The following TRPT1 variants were observed in gnomAD, a reference collection of about 807,000 sequenced individuals.
TRPT1 encodes tRNA phosphotransferase 1, also known as tRNA 2'-phosphotransferase 1.
TRPT1 carries 22 observed loss-of-function variants against 28.4 expected under a neutral mutation model. The ratio of observed to expected loss-of-function variants is 0.78; its 90% CI spans 0.55 to 1.11. The LOEUF is 1.11. Among genes scored for constraint, TRPT1 ranks in the 50% least tolerant of loss-of-function variants. TRPT1 has a pLI of 0.00. For synonymous variants in TRPT1, 137 were observed against 132.4 expected, an observed-to-expected ratio of 1.03 and a Z score of -0.24; for missense variants, 308 against 317.7, an observed-to-expected ratio of 0.97 and a Z score of 0.23.
Position 64,223,829 on chromosome 11 carries a change from G to T in TRPT1, c.*47C>A. ...GATGATGAAACATGGTTTCAAACGA[G>T]TTCTTTCTTGTTACTTTTTAAAATT... On this transcript the variant is annotated 3_prime_UTR_variant, in exon 8 of 8. Transcript: ENST00000317459. The T allele has an allele frequency of 7.6e-7, 1 of 1,315,408 alleles. No homozygotes were observed. Among genetic ancestry groups the T allele is most frequent in the Non-Finnish European group, 1.1e-6 (1 of 951,058 alleles). 81.5% of individuals were successfully genotyped at this position (1,315,408 alleles called of 1,614,324 possible).
chr11:64,224,997 C>T (rs913675532), intron 3 of TRPT1, 27 bp from the exon 4 acceptor site: 2 of 1,545,344 alleles, frequency 1.3e-6, no homozygotes, highest in African/African-American at 2.7e-5. Flanking sequence ...TGCTCAGGAG[C>T]TAACCTTGCT....
rs765623639 is a variant in TRPT1 at position 64,224,955 on chromosome 11, AG to A, written c.172del (p.Leu58TrpfsTer58). On this transcript the variant is annotated frameshift_variant, in exon 4 of 8. Coordinates refer to ENST00000317459, the MANE Select transcript of TRPT1 (RefSeq NM_001033678.4). LOFTEE classifies it high-confidence loss of function. ...CTGGGGCAACTGCAGGAGGGTGCCCAGGGGCACGAAGCCATCTGTGGGCAGG... is the reference window on the plus strand; with the variant it reads ...CTGGGGCAACTGCAGGAGGGTGCCCAGGGCACGAAGCCATCTGTGGGCAGG... ...LPMGADGFVPLGTLLQLPQFR... is the reference protein window; with the variant it reads ...LPMGADGFVPXGTLLQLPQFR... 1 of 1,561,034 alleles carries A rather than the reference AG, an allele frequency of 6.4e-7. No individual in the cohort carries two copies. The highest frequency in any genetic ancestry group is 1.2e-5 in the South Asian group (1 of 85,416).
Position 64,225,685 on chromosome 11 carries a change from G to A in TRPT1, c.75+101C>T, listed in dbSNP as rs141059062. 1.7e-4 allele frequency: 241 copies of A among 1,388,794 alleles called. No individual in the cohort carries two copies. The African/African-American group carries it at 3.2e-3, about 19-fold the overall frequency. 86.0% of individuals were successfully genotyped at this position (1,388,794 alleles called of 1,614,324 possible). A position where few individuals can be genotyped will look rare whatever the true frequency, so the allele number is the denominator to read the frequency against. On this transcript the variant is annotated intron_variant, in intron 2 of 7. Coordinates refer to ENST00000317459, the MANE Select transcript of TRPT1 (RefSeq NM_001033678.4). Reference sequence around the variant, plus strand: ...GCAGAGAGAGCCCAGAGAGAAAGGAGTGCCAGTGGTCTCCAGGAATAGTAG... The same window carrying A: ...GCAGAGAGAGCCCAGAGAGAAAGGAATGCCAGTGGTCTCCAGGAATAGTAG...
At chr11:64,225,687 G>A (rs1426449592) in intron 2 of TRPT1, 99 bp downstream of exon 2, 2 of 1,382,014 alleles carry the variant, frequency 1.4e-6, no homozygotes, top group Non-Finnish European at 2.0e-6. Context: ...AGAAAGGAGT[G>A]CCAGTGGTCT....
intron 5 of TRPT1, 51 bp downstream of exon 5, chr11:64,224,492 C>T (rs761149079): frequency 6.4e-7 from 1 of 1,572,012 alleles, no homozygotes; most frequent in South Asian, 1.2e-5. Flanking sequence ...TGAAGGGGAC[C>T]TGGGAGGACA....
rs1338356600 is a variant in TRPT1, at chr11:64,226,131, G to C, written c.-91C>G. The stretch of plus-strand genomic sequence containing the variant: ...GCTGGTGCGCCCCGCAGGGTGGTCC[G>C]GGAGGCAGGGCCGACGTGCCGACGG... On this transcript the variant is annotated 5_prime_UTR_variant, in exon 1 of 8. Transcript: ENST00000317459. 4.3e-6 allele frequency: 2 copies of C among 467,486 alleles called. No individual in the cohort carries two copies. Among genetic ancestry groups the C allele is most frequent in the Non-Finnish European group, 7.5e-6 (2 of 265,504 alleles). The allele number at this position is 467,486 out of a possible 1,614,324, so 29.0% of individuals were successfully genotyped here.
Position 64,225,595 on chromosome 11 carries a change from C to T in TRPT1, c.76-15G>A. 1 of 1,604,566 alleles carries T rather than the reference C, an allele frequency of 6.2e-7. No homozygotes were observed. The highest frequency in any genetic ancestry group is 8.5e-7 in the Non-Finnish European group (1 of 1,175,622). The stretch of plus-strand genomic sequence containing the variant: ...ACGTCTCGGTCCTGAAAGAACCCAG[C>T]GGTGGCCCCTAGTCTCCATGGTGAC... On this transcript the variant is annotated splice_polypyrimidine_tract_variant and intron_variant, in intron 2 of 7. Coordinates refer to ENST00000317459, the MANE Select transcript of TRPT1 (RefSeq NM_001033678.4).
At position 64,224,201 on chromosome 11, in the gene TRPT1, G is replaced by T. The variant is rs748880595; in HGVS notation, c.569C>A (p.Pro190His). The T allele has an allele frequency of 1.2e-6, 2 of 1,611,696 alleles. No homozygotes were observed. Among genetic ancestry groups the T allele is most frequent in the South Asian group, 1.1e-5 (1 of 90,964 alleles). ...CACCCCATTGGCAGAGCGGAAGAAG[G>T]GTATTCCATCTGCTGACAGAGCCAG... ...DGPLALADGI[P>H]FFRSANGVIL... is the part of the protein sequence containing the mutation. Residue 190 changes from proline (P) to histidine (H), a missense_variant, in exon 7 of 8, where the codon CCC becomes CAC. Transcript: ENST00000317459.
intron 6 of TRPT1, 33 bp downstream of exon 6, chr11:64,224,252 G>A (rs372890333): frequency 8.1e-5 from 130 of 1,613,728 alleles, no homozygotes; most frequent in Non-Finnish European, 1.0e-4. Context: ...CCTCCCCGAA[G>A]GCAAGGGCAG....
Position 64,226,159 on chromosome 11 carries a change from C to T in TRPT1, c.-119G>A, listed in dbSNP as rs1387133182. 7.1e-6 allele frequency: 3 copies of T among 423,600 alleles called. No individual in the cohort carries two copies. The highest frequency in any genetic ancestry group is 4.3e-5 in the Admixed American group (1 of 23,174). The allele number at this position is 423,600 out of a possible 1,614,324, so 26.2% of individuals were successfully genotyped here. A position where few individuals can be genotyped will look rare whatever the true frequency, so the allele number is the denominator to read the frequency against. On this transcript the variant is annotated 5_prime_UTR_variant, in exon 1 of 8. Coordinates refer to ENST00000317459, the MANE Select transcript of TRPT1 (RefSeq NM_001033678.4). ...AGGCAGGGCCGACGTGCCGACGGACCGGGCGGAAGCGTCGGGGCGGCGGGG... is the reference window on the plus strand; with the variant it reads ...AGGCAGGGCCGACGTGCCGACGGACTGGGCGGAAGCGTCGGGGCGGCGGGG...
chr11:64,225,988 G>A (rs1480724780), intron 1 of TRPT1, 62 bp downstream of exon 1: 1 of 646,612 alleles, frequency 1.5e-6, no homozygotes, highest in Non-Finnish European at 2.8e-6. Context: ...GGCTCATTAA[G>A]TTCACCACCC....
Position 64,225,806 on chromosome 11 carries a change from C to A in TRPT1, c.55G>T (p.Ala19Ser). The A allele has an allele frequency of 6.4e-7, 1 of 1,553,634 alleles. No individual in the cohort carries two copies. Among genetic ancestry groups the A allele is most frequent in the Non-Finnish European group, 8.7e-7 (1 of 1,148,120 alleles). Residue 19 changes from alanine to serine, a missense_variant, in exon 2 of 8, where the codon GCT (alanine) becomes TCT (serine). Transcript: ENST00000317459. Reference protein sequence around the residue: ...QEAAGSRGRRAPRPREQDRDV... With the variant: ...QEAAGSRGRRSPRPREQDRDV... ...CGCACCTGTTCTCGGGGTCTGGGAGCCCTTCTACCCCTGGACCCTGCTGCT... is the reference window on the plus strand; with the variant it reads ...CGCACCTGTTCTCGGGGTCTGGGAGACCTTCTACCCCTGGACCCTGCTGCT...
chr11:64,225,201 G>A (rs954707487), intron 3 of TRPT1: 13 of 615,412 alleles, frequency 2.1e-5, no homozygotes, highest in African/African-American at 3.7e-5. Context: ...GCGCTGGCCC[G>A]GAGTGCACAC....
At chr11:64,225,765 G>T in intron 2 of TRPT1, 21 bp downstream of exon 2, 1 of 1,532,536 alleles carries the variant, frequency 6.5e-7, no homozygotes, top group Non-Finnish European at 8.8e-7. Context: ...TGGTGGGAGG[G>T]GGTGGGGAGG....
chr11:64,225,713 C>T lies in TRPT1; in HGVS notation c.75+73G>A, dbSNP rs375563238. The T allele has an allele frequency of 6.2e-4, 859 of 1,389,346 alleles. 11 individuals carry two copies. In the South Asian group the frequency reaches 9.9e-3, roughly 16 times the overall value. 86.1% of individuals were successfully genotyped at this position (1,389,346 alleles called of 1,614,324 possible). On this transcript the variant is annotated intron_variant, in intron 2 of 7. Transcript: ENST00000317459. Reference sequence around the variant, plus strand: ...CCAGTGGTCTCCAGGAATAGTAGGACCCTTCAGCTCCGCCCCCCAGCAACT... The same window carrying T: ...CCAGTGGTCTCCAGGAATAGTAGGATCCTTCAGCTCCGCCCCCCAGCAACT...
Position 64,224,611 on chromosome 11 carries a change from A to C in TRPT1, c.434T>G (p.Leu145Arg). Reference protein sequence around the residue: ...KHWPSILLKGLSCQGRTHIHL... With the variant: ...KHWPSILLKGRSCQGRTHIHL... ...AATGTGCGTCCTTCCCTGGCAGGAC[A>C]GGCCTTTGAGTAGGATGGATGGCCA... The change falls in exon 5 of 8, where the codon CTG becomes CGG. Residue 145 changes from leucine to arginine, a missense_variant. Transcript: ENST00000317459. 1 of 1,605,456 alleles carries C rather than the reference A, an allele frequency of 6.2e-7. No individual in the cohort carries two copies. Among genetic ancestry groups the C allele is most frequent in the South Asian group, 1.1e-5 (1 of 89,664 alleles).
In TRPT1 at chr11:64,223,826, C is replaced by G; in HGVS notation, c.*50G>C. 7.8e-7 allele frequency: 1 copy of G among 1,286,260 alleles called. No homozygotes were observed. Among genetic ancestry groups the G allele is most frequent in the Non-Finnish European group, 1.1e-6 (1 of 925,778 alleles). 79.7% of individuals were successfully genotyped at this position (1,286,260 alleles called of 1,614,324 possible). A position where few individuals can be genotyped will look rare whatever the true frequency, so the allele number is the denominator to read the frequency against. On this transcript the variant is annotated 3_prime_UTR_variant, in exon 8 of 8. Transcript: ENST00000317459. ...CAGGATGATGAAACATGGTTTCAAA[C>G]GAGTTCTTTCTTGTTACTTTTTAAA...
chr11:64,225,509 G>T lies in TRPT1; in HGVS notation c.147C>A (p.Pro49=), dbSNP rs1946946070. Residue 49 remains proline (P), a synonymous_variant, in exon 3 of 8, where the codon CCC becomes CCA. Transcript: ENST00000317459. ...LRHGALKLGL[P]MGADGFVPLG... ...AAGGCCCCTACTTACCAGCTCCCAT[G>T]GGAAGCCCCAGCTTCAAGGCCCCAT... 6.2e-7 allele frequency: 1 copy of T among 1,612,756 alleles called. No homozygotes were observed. Among genetic ancestry groups the T allele is most frequent in the Non-Finnish European group, 8.5e-7 (1 of 1,179,542 alleles).
In TRPT1 at chr11:64,223,929, A is replaced by G. The variant is rs1269670320; in HGVS notation, c.709T>C (p.Cys237Arg). 2 of 1,613,898 alleles carry G rather than the reference A, an allele frequency of 1.2e-6. No homozygotes were observed. Among genetic ancestry groups the G allele is most frequent in the South Asian group, 1.1e-5 (1 of 91,050 alleles). The stretch of plus-strand genomic sequence containing the variant: ...GAGCTGTGCTTGGGGCTACTCTGAC[A>G]CTCTGTCTCTTCATCACCAGCCAAG... The part of the protein sequence containing the change: ...LSLAGDEETE[C>R]QSSPKHSSRE... The change falls in exon 8 of 8, where the codon TGT (cysteine) becomes CGT (arginine). Residue 237 changes from cysteine (C) to arginine (R), a missense_variant. Physicochemically the swap from Cys to Arg is radical, Grantham distance 180 (BLOSUM62 -3). Transcript: ENST00000317459.
Sources: allele counts gnomAD v4.1 joint callset, GRCh38; gene constraint gnomAD v4.1.1; transcripts MANE v1.5; gene names NCBI Gene and HGNC (gene_info 2026-07-23, HGNC 2026-07-21).